Variants in DNAH14 observed in about 807,000 individuals in gnomAD.
The protein encoded by DNAH14 is axonemal beta dynein heavy chain 14.
Under a neutral mutation model 520.9 loss-of-function variants are expected in DNAH14, and 478 were observed. That is an observed-to-expected ratio of 0.92 (90% CI 0.85 to 0.99). The LOEUF is 0.99. Among genes scored for constraint, DNAH14 ranks in the 50% least tolerant of loss-of-function variants. The pLI, the probability that DNAH14 is intolerant of heterozygous loss-of-function variation, is 0.00. For synonymous variants in DNAH14, 1,581 were observed against 1,757.2 expected (o/e 0.90, Z 2.51); for missense variants, 4,831 against 5,234.5 (o/e 0.92, Z 2.38).
intron 41 of DNAH14, among the ~76,000 whole-genome samples, chr1:225,229,299 A>T (rs1177011741): frequency 1.3e-5 from 2 of 152,152 alleles, no homozygotes; most frequent in Non-Finnish European, 2.9e-5. Flanking sequence ...GAGAAATAGG[A>T]ATGCTTTTAC....
chr1:225,047,238 G>A (rs2068047390), intron 15 of DNAH14, among the ~76,000 whole-genome samples: 2 of 152,028 alleles, frequency 1.3e-5, no homozygotes, highest in African/African-American at 4.8e-5. Flanking sequence ...CAATACCTCA[G>A]GGTTCATTCT....
At chr1:225,294,732 G>A (rs1266701334) in intron 55 of DNAH14, among the ~76,000 whole-genome samples, 1 of 151,936 alleles carries the variant, frequency 6.6e-6, no homozygotes, top group African/African-American at 2.4e-5. Flanking sequence ...ACTGAGGCAG[G>A]AGAATTGCTT....
chr1:225,305,081 A>G lies in DNAH14; in HGVS notation c.8997A>G (p.Gln2999=). 1.3e-6 allele frequency: 2 copies of G among 1,530,812 alleles called. No homozygotes were observed. The highest frequency in any genetic ancestry group is 8.8e-7 in the Non-Finnish European group (1 of 1,142,474). The allele number at this position is 1,530,812 out of a possible 1,614,324, so 94.8% of individuals were successfully genotyped here. The stretch of plus-strand genomic sequence containing the variant: ...TGAGGGCACGAGAGGAAGAGATGCA[A>G]ACAAAGAGGTAAGACTTTGAGAACA... The part of the protein sequence containing the change: ...HILRAREEEM[Q]TKRDRFHMGL... The change falls in exon 58 of 86, where the codon CAA becomes CAG. Residue 2999 remains glutamine, a synonymous_variant. Coordinates refer to ENST00000682510, the MANE Select transcript of DNAH14 (RefSeq NM_001367479.1).
At chr1:224,985,487 G>T (rs757291268) in intron 8 of DNAH14, among the ~76,000 whole-genome samples, 3 of 152,014 alleles carry the variant, frequency 2.0e-5, no homozygotes, top group African/African-American at 4.8e-5. Context: ...TGGGGGTGAG[G>T]GGTAAAAGAC....
At chr1:225,022,097 T>C (rs1207544437) in intron 10 of DNAH14, among the ~76,000 whole-genome samples, 1 of 152,084 alleles carries the variant, frequency 6.6e-6, no homozygotes, top group Non-Finnish European at 1.5e-5. Flanking sequence ...ATACAAAAAT[T>C]AACTCAAGAT....
Position 225,299,132 on chromosome 1 carries a change from C to A in DNAH14, c.8470-1737C>A, listed in dbSNP as rs12068266. 2.4e-3 allele frequency among the ~76,000 whole-genome samples: 366 copies of A among 152,334 alleles called. 1 individual carries two copies. Among genetic ancestry groups the A allele is most frequent in the African/African-American group, 8.2e-3 (340 of 41,574 alleles). Reference sequence around the variant, plus strand: ...AAGTACTTCTAGCCAGCCATCTGGCCAGTCGCCAGGCCCAGAATATACTAT... The same window carrying A: ...AAGTACTTCTAGCCAGCCATCTGGCAAGTCGCCAGGCCCAGAATATACTAT... On this transcript the variant is annotated intron_variant, in intron 55 of 85. Transcript: ENST00000682510.
At position 225,273,129 on chromosome 1, in the gene DNAH14, A is replaced by G; in HGVS notation, c.8010+4A>G. ...GGAACTTGAGAACTGTTTTCAGGTAAATTTATATTTTAAAAATTATTGGCC... is the reference window on the plus strand; with the variant it reads ...GGAACTTGAGAACTGTTTTCAGGTAGATTTATATTTTAAAAATTATTGGCC... On this transcript the variant is annotated splice_donor_region_variant and intron_variant, in intron 52 of 85. Transcript: ENST00000682510. 1 of 1,545,792 alleles carries G rather than the reference A, an allele frequency of 6.5e-7. No homozygotes were observed. Among genetic ancestry groups the G allele is most frequent in the Non-Finnish European group, 8.7e-7 (1 of 1,145,398 alleles).
intron 41 of DNAH14, among the ~76,000 whole-genome samples, chr1:225,229,732 C>G (rs2090913648): frequency 6.6e-6 from 1 of 151,024 alleles, no homozygotes; most frequent in African/African-American, 2.4e-5. Context: ...AACATATGGG[C>G]ACAAGGGGGG....
chr1:225,264,501 G>C lies in DNAH14; in HGVS notation c.7222+240G>C, dbSNP rs145270265. Among the ~76,000 whole-genome samples the C allele has an allele frequency of 1.1e-4, 16 of 152,218 alleles. No individual in the cohort carries two copies. The East Asian group carries it at 2.3e-3, about 22-fold the overall frequency. On this transcript the variant is annotated intron_variant, in intron 47 of 85. Coordinates refer to ENST00000682510, the MANE Select transcript of DNAH14 (RefSeq NM_001367479.1). ...TAATAGGTATATTACCTGATACTTG[G>C]TGGATATATCAGTGGAAGAGTAGAC...
intron 36 of DNAH14, among the ~76,000 whole-genome samples, chr1:225,177,433 G>T (rs2083450819): frequency 6.6e-6 from 1 of 152,184 alleles, no homozygotes; most frequent in Admixed American, 6.5e-5. Flanking sequence ...GCAGAAATTT[G>T]CATAAGTAAT....
chr1:225,124,526 C>T (rs1262891610), intron 27 of DNAH14, among the ~76,000 whole-genome samples: 3 of 152,210 alleles, frequency 2.0e-5, no homozygotes, highest in Non-Finnish European at 4.4e-5. Context: ...TTTCTTTGCT[C>T]ATCCATAAGA....
intron 11 of DNAH14, chr1:225,024,315 A>G: frequency 2.1e-6 from 2 of 934,366 alleles, no homozygotes; most frequent in Non-Finnish European, 2.6e-6. Context: ...ATTCCAAGAA[A>G]TATCTGTTGA....
At chr1:225,274,197 A>ATTTTTTTTTTTTTTTTTTTTTT (rs869247051) in intron 52 of DNAH14, among the ~76,000 whole-genome samples, 7 of 92,884 alleles carry the variant, frequency 7.5e-5, no homozygotes, top group African/African-American at 2.8e-4. Flanking sequence ...AGCATCTGTT[A>ATTTTTTTTTTTTTTTTTTTTTT]TTTTTTTTTT....
At chr1:225,044,706 G>A (rs1056186897) in intron 15 of DNAH14, among the ~76,000 whole-genome samples, 2 of 152,108 alleles carry the variant, frequency 1.3e-5, no homozygotes, top group African/African-American at 2.4e-5. Context: ...ATTGTATTAT[G>A]AAGATGAAAT....
intron 35 of DNAH14, among the ~76,000 whole-genome samples, chr1:225,162,865 G>C (rs1002358973): frequency 2.0e-5 from 3 of 152,042 alleles, no homozygotes; most frequent in African/African-American, 7.2e-5. Flanking sequence ...GGCCAGGCGT[G>C]GTGGCTCACA....
chr1:225,348,680 G>A (rs914602445), intron 71 of DNAH14, among the ~76,000 whole-genome samples: 6 of 152,044 alleles, frequency 3.9e-5, no homozygotes, highest in African/African-American at 1.2e-4. Context: ...CAAACATGAG[G>A]GAGTTTATTA....
At chr1:225,119,150 G>C in intron 25 of DNAH14, 70 bp from the exon 26 acceptor site, 1 of 1,180,842 alleles carries the variant, frequency 8.5e-7, no homozygotes, top group Non-Finnish European at 1.2e-6. Flanking sequence ...TAGTCTACAG[G>C]CTTGTCAAAG....
intron 22 of DNAH14, among the ~76,000 whole-genome samples, chr1:225,098,774 T>C (rs1004645702): frequency 2.0e-5 from 3 of 152,352 alleles, no homozygotes; most frequent in Admixed American, 1.3e-4. Context: ...TACTACCTTT[T>C]ACTAAAGATT....
At chr1:224,985,017 G>A (rs558119216) in intron 8 of DNAH14, among the ~76,000 whole-genome samples, 4 of 152,280 alleles carry the variant, frequency 2.6e-5, no homozygotes, top group Admixed American at 6.5e-5. Flanking sequence ...ACTGCTGGTG[G>A]GAATGTAAAC....
Sources: allele counts gnomAD v4.1 joint callset (sites outside exome capture counted in the v4.1 genomes callset), GRCh38; gene constraint gnomAD v4.1.1; transcripts MANE v1.5; gene names NCBI Gene and HGNC (gene_info 2026-07-23, HGNC 2026-07-21).